HSD17B2: variants seen among roughly 807,000 people sequenced by gnomAD.
HSD17B2 encodes the protein 17-beta-hydroxysteroid dehydrogenase type 2.
Under a neutral mutation model 26.9 loss-of-function variants are expected in HSD17B2, and 32 were observed. The observed-to-expected ratio is 1.19, with a 90% CI of 0.90 to 1.60. The LOEUF is 1.60. Among genes scored for constraint, HSD17B2 ranks in the 40% most tolerant of loss-of-function variants. The pLI is 0.00. For synonymous variants in HSD17B2, 246 were observed against 186.7 expected (o/e 1.32, Z -2.59); for missense variants, 613 against 468.6 (o/e 1.31, Z -2.85).
chr16:82,098,366 G>C lies in HSD17B2; in HGVS notation c.1094G>C (p.Arg365Thr), dbSNP rs756891308. ...GGCATATATGATTACTTTGCTAAAA[G>C]ACATTTTGGCCAAGACAAGCCCATG... ...PIGIYDYFAK[R>T]HFGQDKPMPR... The change falls in exon 5 of 5, where the codon AGA becomes ACA. Residue 365 changes from arginine to threonine, a missense_variant. Arg to Thr is a moderately conservative substitution (Grantham distance 71). Transcript: ENST00000199936. 1 of 1,614,076 alleles carries C rather than the reference G, an allele frequency of 6.2e-7. No homozygotes were observed. The highest frequency in any genetic ancestry group is 8.5e-7 in the Non-Finnish European group (1 of 1,179,976).
chr16:82,085,005 T>G lies in HSD17B2; in HGVS notation c.665-5897T>G, dbSNP rs141341361. On this transcript the variant is annotated intron_variant, in intron 3 of 4. Coordinates refer to ENST00000199936, the MANE Select transcript of HSD17B2 (RefSeq NM_002153.3). ...TCCCAATGTATTGGGATCATAGGCATGAGCTACTGAGGCCGTCCCAAGCTA... is the reference window on the plus strand; with the variant it reads ...TCCCAATGTATTGGGATCATAGGCAGGAGCTACTGAGGCCGTCCCAAGCTA... Among the ~76,000 whole-genome samples the G allele has an allele frequency of 3.9e-5, 6 of 152,374 alleles. No individual in the cohort carries two copies. In the East Asian group the frequency reaches 7.7e-4, roughly 20 times the overall value.
chr16:82,082,666 A>G lies in HSD17B2; in HGVS notation c.665-8236A>G, dbSNP rs577573641. Among the ~76,000 whole-genome samples the G allele has an allele frequency of 3.9e-4, 59 of 152,284 alleles. 1 individual carries two copies. Among genetic ancestry groups the G allele is most frequent in the Admixed American group, 3.4e-3 (52 of 15,294 alleles). On this transcript the variant is annotated intron_variant, in intron 3 of 4. Coordinates refer to ENST00000199936, the MANE Select transcript of HSD17B2 (RefSeq NM_002153.3). Reference sequence around the variant, plus strand: ...TGAGGTTCCTGAGGATAATACTAGAATCTACCTCCTATGACAGTTGTGACC... The same window carrying G: ...TGAGGTTCCTGAGGATAATACTAGAGTCTACCTCCTATGACAGTTGTGACC...
At chr16:82,069,404 G>C (rs908828446) in intron 2 of HSD17B2, among the ~76,000 whole-genome samples, 5 of 152,148 alleles carry the variant, frequency 3.3e-5, no homozygotes, top group African/African-American at 9.7e-5. Context: ...TAATAGAATG[G>C]TTTATATTCC....
chr16:82,037,838 A>G lies in HSD17B2; in HGVS notation c.265+2149A>G, dbSNP rs1567575145. On this transcript the variant is annotated intron_variant, in intron 1 of 4. Coordinates refer to ENST00000199936, the MANE Select transcript of HSD17B2 (RefSeq NM_002153.3). ...ACAAGTCTACAGCCACGTCAAATGC[A>G]TAGATTCCTGGGCTGGGCAAAAAGC... 2.6e-5 allele frequency among the ~76,000 whole-genome samples: 4 copies of G among 152,238 alleles called. No individual in the cohort carries two copies. The South Asian group carries it at 8.3e-4, about 32-fold the overall frequency.
Position 82,045,628 on chromosome 16 carries a change from G to C in HSD17B2, c.265+9939G>C, listed in dbSNP as rs113012349. On this transcript the variant is annotated intron_variant, in intron 1 of 4. Transcript: ENST00000199936. Reference sequence around the variant, plus strand: ...GGCCATTCATTAATGTGCCTCATCAGCCTCATACAATAGTGCCCTGCTCCT... The same window carrying C: ...GGCCATTCATTAATGTGCCTCATCACCCTCATACAATAGTGCCCTGCTCCT... 3.9e-5 allele frequency among the ~76,000 whole-genome samples: 6 copies of C among 152,340 alleles called. 1 individual carries two copies. The highest frequency in any genetic ancestry group is 1.4e-4 in the African/African-American group (6 of 41,578).
intron 3 of HSD17B2, among the ~76,000 whole-genome samples, chr16:82,075,870 C>T (rs180992895): frequency 3.7e-4 from 55 of 149,814 alleles, no homozygotes; most frequent in South Asian, 2.7e-3. Flanking sequence ...TCCTATGAGC[C>T]CTATATCATT....
intron 2 of HSD17B2, among the ~76,000 whole-genome samples, chr16:82,069,251 T>C (rs1914642909): frequency 6.6e-6 from 1 of 152,234 alleles, no homozygotes; most frequent in South Asian, 2.1e-4. Flanking sequence ...ATCTCATTCT[T>C]TTTAATGGCT....
At position 82,083,074 on chromosome 16, in the gene HSD17B2, A is replaced by G. The variant is rs1451306567; in HGVS notation, c.665-7828A>G. 3.3e-5 allele frequency among the ~76,000 whole-genome samples: 5 copies of G among 152,018 alleles called. No homozygotes were observed. The East Asian group carries it at 5.8e-4, about 18-fold the overall frequency. On this transcript the variant is annotated intron_variant, in intron 3 of 4. Transcript: ENST00000199936. ...CCTTATTGACCATTTTTTGCTTTCT[A>G]CTAGCTCCACTGTTAGATGCTTGTT...
At chr16:82,068,414 C>A in intron 2 of HSD17B2, 32 bp downstream of exon 2, 1 of 1,556,438 alleles carries the variant, frequency 6.4e-7, no homozygotes, top group South Asian at 1.2e-5. Context: ...GTGCCTTTAC[C>A]CTCCTCCTGA....
intron 1 of HSD17B2, chr16:82,044,649 T>C (rs907149108): frequency 5.9e-5 from 9 of 152,298 alleles, no homozygotes; most frequent in African/African-American, 1.9e-4. Context: ...AAAATGTTCA[T>C]GTCCAATTCT....
intron 1 of HSD17B2, among the ~76,000 whole-genome samples, chr16:82,058,292 A>G (rs111634198): frequency 1.0e-3 from 154 of 152,056 alleles, no homozygotes; most frequent in Non-Finnish European, 1.8e-3. Flanking sequence ...GCTAGTCTCA[A>G]ACTCCTGGGC....
At chr16:82,039,797 A>G (rs1168137826) in intron 1 of HSD17B2, among the ~76,000 whole-genome samples, 1 of 152,158 alleles carries the variant, frequency 6.6e-6, no homozygotes, top group Non-Finnish European at 1.5e-5. Flanking sequence ...TACTGTGTAC[A>G]GAGCAGACAC....
At chr16:82,039,942 G>C (rs1266288398) in intron 1 of HSD17B2, among the ~76,000 whole-genome samples, 1 of 152,082 alleles carries the variant, frequency 6.6e-6, no homozygotes, top group African/African-American at 2.4e-5. Context: ...GTGGAGCTGG[G>C]GAAAGCTTGA....
At chr16:82,090,189 A>G (rs937289872) in intron 3 of HSD17B2, 5 of 976,870 alleles carry the variant, frequency 5.1e-6, no homozygotes, top group African/African-American at 3.5e-5. Context: ...TGAATAGTGG[A>G]CCCTCCTCCC....
rs531704536 is a variant in HSD17B2, at chr16:82,058,591, C to G, written c.266-9579C>G. Among the ~76,000 whole-genome samples the G allele has an allele frequency of 9.2e-5, 14 of 152,250 alleles. No homozygotes were observed. The East Asian group carries it at 2.7e-3, about 29-fold the overall frequency. On this transcript the variant is annotated intron_variant, in intron 1 of 4. Coordinates refer to ENST00000199936, the MANE Select transcript of HSD17B2 (RefSeq NM_002153.3). Reference sequence around the variant, plus strand: ...TTAGTCCCCTTACATGGGCAAAAGTCATTAGGGCTCACCTACCCCACCCAT... The same window carrying G: ...TTAGTCCCCTTACATGGGCAAAAGTGATTAGGGCTCACCTACCCCACCCAT...
chr16:82,054,275 T>C (rs150121990), intron 1 of HSD17B2, among the ~76,000 whole-genome samples: 99 of 151,760 alleles, frequency 6.5e-4, no homozygotes, highest in African/African-American at 2.1e-3. Flanking sequence ...AGTAATACGC[T>C]TTCCAGAAAA....
In HSD17B2 at chr16:82,098,301, C is replaced by G; in HGVS notation, c.1029C>G (p.Gly343=). ...TTGCCTATTACACGCCAGGGAAAGGCGCTTACTTGTGGATCTGCCTTGCTC... is the reference window on the plus strand; with the variant it reads ...TTGCCTATTACACGCCAGGGAAAGGGGCTTACTTGTGGATCTGCCTTGCTC... The part of the protein sequence containing the change: ...SPFAYYTPGK[G]AYLWICLAHY... The change falls in exon 5 of 5, where the codon GGC becomes GGG. Residue 343 remains glycine (G), a synonymous_variant. Coordinates refer to ENST00000199936, the MANE Select transcript of HSD17B2 (RefSeq NM_002153.3). 6.2e-7 allele frequency: 1 copy of G among 1,614,194 alleles called. No individual in the cohort carries two copies. The highest frequency in any genetic ancestry group is 8.5e-7 in the Non-Finnish European group (1 of 1,180,016).
At chr16:82,069,030 C>T (rs1479793996) in intron 2 of HSD17B2, among the ~76,000 whole-genome samples, 1 of 152,172 alleles carries the variant, frequency 6.6e-6, no homozygotes, top group Admixed American at 6.5e-5. Flanking sequence ...AAGTACTGAG[C>T]CCAGGATTCA....
At chr16:82,085,494 C>T (rs963988907) in intron 3 of HSD17B2, among the ~76,000 whole-genome samples, 3 of 152,040 alleles carry the variant, frequency 2.0e-5, no homozygotes, top group South Asian at 2.1e-4. Flanking sequence ...GGATATGAAC[C>T]GGGATCTGTT....
Sources: allele counts gnomAD v4.1 joint callset (sites outside exome capture counted in the v4.1 genomes callset), GRCh38; gene constraint gnomAD v4.1.1; transcripts MANE v1.5; gene names NCBI Gene and HGNC (gene_info 2026-07-23, HGNC 2026-07-21).